The following SLC2A9 variants were observed in gnomAD, a reference collection of about 807,000 sequenced individuals.
The protein encoded by SLC2A9 is solute carrier family 2 member 9.
Under a neutral mutation model 50.6 loss-of-function variants are expected in SLC2A9, and 39 were observed. The observed-to-expected ratio is 0.77, with a 90% CI of 0.60 to 1.01. SLC2A9 has a LOEUF of 1.01. SLC2A9 is among the 50% of genes least tolerant of loss of function. SLC2A9 has a pLI of 0.00. For synonymous variants in SLC2A9, 324 were observed against 276.9 expected (o/e 1.17, Z -1.69); for missense variants, 686 against 677.6 (o/e 1.01, Z -0.14).
chr4:9,913,427 C>T (rs867385409), intron 7 of SLC2A9, among the ~76,000 whole-genome samples: 4 of 151,894 alleles, frequency 2.6e-5, no homozygotes, highest in East Asian at 1.9e-4. Context: ...CAGAGGTGGC[C>T]GCCACAGACA....
chr4:9,870,043 C>A (rs1480067636), intron 10 of SLC2A9, among the ~76,000 whole-genome samples: 3 of 152,212 alleles, frequency 2.0e-5, no homozygotes, highest in African/African-American at 7.2e-5. Flanking sequence ...AAGGTGGAGG[C>A]AGAGACTGTG....
intron 1 of SLC2A9, among the ~76,000 whole-genome samples, chr4:10,037,940 G>C (rs1222141295): frequency 1.3e-5 from 2 of 152,008 alleles, no homozygotes; most frequent in Non-Finnish European, 2.9e-5. Flanking sequence ...GACAGAATGA[G>C]ACTCTGTCTC....
intron 3 of SLC2A9, among the ~76,000 whole-genome samples, chr4:9,792,082 T>A (rs1316701877): frequency 6.6e-6 from 1 of 151,620 alleles, no homozygotes; most frequent in African/African-American, 2.4e-5. Context: ...AGGATATGAA[T>A]CACTACTGTT....
intron 1 of SLC2A9, among the ~76,000 whole-genome samples, chr4:9,771,729 C>T (rs377525252): frequency 4.1e-4 from 62 of 152,312 alleles, no homozygotes; most frequent in Non-Finnish European, 6.9e-4. Flanking sequence ...GCAGGTGCAG[C>T]GTGCTGCAGA....
intron 5 of SLC2A9, among the ~76,000 whole-genome samples, chr4:9,960,466 G>A (rs1283394103): frequency 6.6e-6 from 1 of 152,210 alleles, no homozygotes; most frequent in African/African-American, 2.4e-5. Context: ...GAACAGGAGT[G>A]GCCCAGCCCC....
chr4:9,882,478 G>A (rs574947304), intron 10 of SLC2A9, among the ~76,000 whole-genome samples: 66 of 152,132 alleles, frequency 4.3e-4, no homozygotes, highest in African/African-American at 1.3e-3. Context: ...AGAGGCCGAG[G>A]CAGGCGGATC....
intron 3 of SLC2A9, among the ~76,000 whole-genome samples, chr4:9,808,861 A>G (rs1165422265): frequency 6.6e-6 from 1 of 152,192 alleles, no homozygotes; most frequent in Non-Finnish European, 1.5e-5. Context: ...CAGGGGCACC[A>G]TTCACACAAA....
At chr4:9,926,337 C>T (rs866603951) in intron 6 of SLC2A9, among the ~76,000 whole-genome samples, 4 of 149,746 alleles carry the variant, frequency 2.7e-5, no homozygotes, top group Admixed American at 1.3e-4. Flanking sequence ...AATGCAAACA[C>T]ACATTGTTTC....
intron 10 of SLC2A9, among the ~76,000 whole-genome samples, chr4:9,837,959 T>C (rs548276895): frequency 3.9e-5 from 6 of 152,348 alleles, no homozygotes; most frequent in African/African-American, 1.2e-4. Context: ...TAAATCTTTC[T>C]AGAACGGAAT....
At chr4:9,878,893 T>C (rs1734728535) in intron 10 of SLC2A9, 1 of 290,766 alleles carries the variant, frequency 3.4e-6, no homozygotes, top group Non-Finnish European at 5.1e-6. Context: ...TGGAGACAAA[T>C]TGAAGAGGTG....
intron 3 of SLC2A9, among the ~76,000 whole-genome samples, chr4:9,812,892 A>G (rs1434456946): frequency 1.3e-5 from 2 of 152,204 alleles, no homozygotes; most frequent in Non-Finnish European, 2.9e-5. Context: ...GACTTAATGT[A>G]CAAATTTGCC....
chr4:9,807,921 G>A (rs748797433), intron 3 of SLC2A9, among the ~76,000 whole-genome samples: 65 of 152,292 alleles, frequency 4.3e-4, no homozygotes, highest in Admixed American at 1.4e-3. Context: ...TGGTTTCGGC[G>A]AGCCCCCTGA....
chr4:9,806,441 T>A (rs1362433075), intron 3 of SLC2A9, among the ~76,000 whole-genome samples: 1 of 152,256 alleles, frequency 6.6e-6, no homozygotes, highest in Non-Finnish European at 1.5e-5. Flanking sequence ...ATAATGCTTA[T>A]CACTGGCTTG....
At chr4:9,913,549 G>T (rs12649245) in intron 7 of SLC2A9, among the ~76,000 whole-genome samples, 1 of 152,140 alleles carries the variant, frequency 6.6e-6, no homozygotes, top group South Asian at 2.1e-4. Flanking sequence ...CTGTTTCCAG[G>T]GACCTCCTTT....
intron 7 of SLC2A9, among the ~76,000 whole-genome samples, chr4:9,919,955 TCTTA>T (rs1488284676): frequency 1.3e-5 from 2 of 152,026 alleles, no homozygotes; most frequent in Non-Finnish European, 2.9e-5. Flanking sequence ...CCAGAACATT[TCTTA>T]CTTAAAGCCT....
At chr4:9,938,631 C>G (rs1407863986) in intron 6 of SLC2A9, among the ~76,000 whole-genome samples, 1 of 152,176 alleles carries the variant, frequency 6.6e-6, no homozygotes, top group African/African-American at 2.4e-5. Context: ...AAGAGTCACA[C>G]ACACGCTCAA....
intron 2 of SLC2A9, among the ~76,000 whole-genome samples, chr4:10,001,620 G>A (rs929925954): frequency 1.7e-4 from 26 of 152,030 alleles, no homozygotes; most frequent in African/African-American, 5.3e-4. Flanking sequence ...CCACTCAACC[G>A]GTCCAAACTG....
chr4:9,982,922 T>A (rs1459626787), intron 4 of SLC2A9, among the ~76,000 whole-genome samples: 1 of 152,096 alleles, frequency 6.6e-6, no homozygotes, highest in Non-Finnish European at 1.5e-5. Flanking sequence ...CAGACGGGAG[T>A]GCAATGGGTG....
rs1049874906 is a variant in SLC2A9, at chr4:9,913,316, T to C, written c.1003-4971A>G. Among the ~76,000 whole-genome samples the C allele has an allele frequency of 2.4e-5, 3 of 124,934 alleles. No individual in the cohort carries two copies. The Admixed American group carries it at 2.7e-4, about 11-fold the overall frequency. 82.0% of individuals were successfully genotyped at this position (124,934 alleles called of 152,430 possible). ...TTTCCTGTGTGTTTGTGTGTGTGTG[T>C]GTGTGTGTGTGTGTGAGAGAGAGAG... On this transcript the variant is annotated intron_variant, in intron 7 of 11. Transcript: ENST00000264784.
Sources: allele counts gnomAD v4.1 joint callset (sites outside exome capture counted in the v4.1 genomes callset), GRCh38; gene constraint gnomAD v4.1.1; transcripts MANE v1.5; gene names NCBI Gene and HGNC (gene_info 2026-07-23, HGNC 2026-07-21).